Variants in SYCP1 observed in about 807,000 individuals in gnomAD.
The protein encoded by SYCP1 is synaptonemal complex protein 1.
Under a neutral mutation model 153.1 loss-of-function variants are expected in SYCP1, and 64 were observed. That is an observed-to-expected ratio of 0.42 (90% CI 0.34 to 0.51). SYCP1 has a LOEUF of 0.51. Ranked by LOEUF, SYCP1 falls within the 20% of genes least tolerant of loss-of-function variation. The pLI is 0.06. For synonymous variants in SYCP1, 384 were observed against 341.8 expected, an observed-to-expected ratio of 1.12 and a Z score of -1.36; for missense variants, 997 against 1,049.0, an observed-to-expected ratio of 0.95 and a Z score of 0.68.
At chr1:114,946,573 T>C (rs1256338964) in intron 26 of SYCP1, among the ~76,000 whole-genome samples, 192 bp downstream of exon 26, 1 of 152,200 alleles carries the variant, frequency 6.6e-6, no homozygotes, top group Non-Finnish European at 1.5e-5. Context: ...GAACAAACTA[T>C]TTTTTCAAGT....
intron 15 of SYCP1, among the ~76,000 whole-genome samples, chr1:114,893,730 ATTC>A: frequency 6.6e-6 from 1 of 152,066 alleles, no homozygotes; most frequent in Non-Finnish European, 1.5e-5. Context: ...TTACAATCTA[ATTC>A]TTCTGATTAT....
At chr1:114,969,522 C>T (rs1672343944) in intron 27 of SYCP1, among the ~76,000 whole-genome samples, 1 of 152,154 alleles carries the variant, frequency 6.6e-6, no homozygotes, top group Non-Finnish European at 1.5e-5. Context: ...CCCAGGTTGA[C>T]TTTAGACTGC....
intron 27 of SYCP1, among the ~76,000 whole-genome samples, chr1:114,954,313 T>C (rs1461174766): frequency 6.6e-6 from 1 of 151,986 alleles, no homozygotes; most frequent in Non-Finnish European, 1.5e-5. Flanking sequence ...TTAATTTTGT[T>C]TCCTATATGC....
At chr1:114,935,992 A>G (rs1240273001) in intron 23 of SYCP1, among the ~76,000 whole-genome samples, 1 of 152,202 alleles carries the variant, frequency 6.6e-6, no homozygotes, top group Non-Finnish European at 1.5e-5. Flanking sequence ...AGCTGGTACC[A>G]TTCCTTCTGA....
intron 8 of SYCP1, among the ~76,000 whole-genome samples, chr1:114,873,538 CAGGTTAGTT>C (rs1283084694): frequency 1.3e-5 from 2 of 152,190 alleles, no homozygotes; most frequent in Admixed American, 1.3e-4. Context: ...TCCCTTCCCC[CAGGTTAGTT>C]AGGCTCTGAC....
At chr1:114,882,698 T>G (rs996158105) in intron 12 of SYCP1, among the ~76,000 whole-genome samples, 1 of 152,184 alleles carries the variant, frequency 6.6e-6, no homozygotes, top group Non-Finnish European at 1.5e-5. Flanking sequence ...AAAGATTACT[T>G]GTAGGAATAA....
chr1:114,871,404 G>C (rs1665113754), intron 8 of SYCP1, among the ~76,000 whole-genome samples: 5 of 152,058 alleles, frequency 3.3e-5, no homozygotes, highest in Admixed American at 3.3e-4. Flanking sequence ...TTGACCTCAA[G>C]TGATTCACCC....
At chr1:114,856,145 C>G (rs770215164) in intron 2 of SYCP1, among the ~76,000 whole-genome samples, 4 of 152,140 alleles carry the variant, frequency 2.6e-5, no homozygotes, top group African/African-American at 7.2e-5. Flanking sequence ...TGCAATGATG[C>G]AATGAATATT....
chr1:114,890,405 A>G (rs923295433), intron 15 of SYCP1, among the ~76,000 whole-genome samples: 2 of 151,686 alleles, frequency 1.3e-5, no homozygotes, highest in African/African-American at 4.8e-5. Context: ...ATAACTGATT[A>G]TACATTTATG....
At position 114,878,501 on chromosome 1, in the gene SYCP1, C is replaced by T. The variant is rs376387704; in HGVS notation, c.910+299C>T. 9.2e-5 allele frequency among the ~76,000 whole-genome samples: 14 copies of T among 152,048 alleles called. No individual in the cohort carries two copies. In the East Asian group the frequency reaches 9.7e-4, roughly 11 times the overall value. On this transcript the variant is annotated intron_variant, in intron 12 of 31. Coordinates refer to ENST00000369522, the MANE Select transcript of SYCP1 (RefSeq NM_003176.4). ...ACTTGGAACTGTTGCATTCCAAGTGCCGAGAACAATGCCTGGCACATATAA... is the reference window on the plus strand; with the variant it reads ...ACTTGGAACTGTTGCATTCCAAGTGTCGAGAACAATGCCTGGCACATATAA...
At chr1:114,911,867 CTGGTTGTTT>C (rs1363242775) in intron 18 of SYCP1, among the ~76,000 whole-genome samples, 2 of 151,854 alleles carry the variant, frequency 1.3e-5, no homozygotes, top group Non-Finnish European at 2.9e-5. Context: ...TCAGTTCTAA[CTGGTTGTTT>C]TGGTTGTTTT....
chr1:114,862,934 T>C (rs189014251), intron 8 of SYCP1: 1 of 152,314 alleles, frequency 6.6e-6, no homozygotes, highest in East Asian at 1.9e-4. Flanking sequence ...CATGAAATCT[T>C]CTAGATGCTG....
At chr1:114,855,355 A>G in intron 1 of SYCP1, 86 bp from the exon 2 acceptor site, 2 of 670,212 alleles carry the variant, frequency 3.0e-6, no homozygotes, top group Non-Finnish European at 4.8e-6. Flanking sequence ...TTAGTTTGTA[A>G]ACATCACTTT....
chr1:114,989,898 A>G (rs1417518096), intron 30 of SYCP1, among the ~76,000 whole-genome samples: 2 of 152,008 alleles, frequency 1.3e-5, no homozygotes, highest in African/African-American at 4.8e-5. Context: ...ACAGTTCTAA[A>G]ATAATTGTTG....
intron 3 of SYCP1, 96 bp from the exon 4 acceptor site, chr1:114,857,136 C>CAAGA: frequency 4.1e-6 from 1 of 242,710 alleles, no homozygotes; most frequent in Non-Finnish European, 5.9e-6. Flanking sequence ...CTCTCTCTCT[C>CAAGA]AAAAAAAAAA....
chr1:114,971,845 A>G (rs150001539), intron 27 of SYCP1, among the ~76,000 whole-genome samples: 56 of 152,192 alleles, frequency 3.7e-4, no homozygotes, highest in African/African-American at 1.0e-3. Flanking sequence ...TTTTGCATCA[A>G]TGTTCATCCG....
chr1:114,909,508 AC>A (rs1668040842), intron 16 of SYCP1, among the ~76,000 whole-genome samples: 1 of 139,250 alleles, frequency 7.2e-6, no homozygotes, highest in South Asian at 2.3e-4. Context: ...ACACACACAC[AC>A]ACACACACAC....
intron 28 of SYCP1, among the ~76,000 whole-genome samples, chr1:114,980,828 A>G (rs1673103655): frequency 6.6e-6 from 1 of 151,896 alleles, no homozygotes; most frequent in Non-Finnish European, 1.5e-5. Context: ...GATTTATTAT[A>G]TAGGTAAACT....
At chr1:114,891,855 G>T (rs1007698921) in intron 15 of SYCP1, among the ~76,000 whole-genome samples, 1 of 152,136 alleles carries the variant, frequency 6.6e-6, no homozygotes, top group Admixed American at 6.5e-5. Flanking sequence ...CATGGTATTT[G>T]TTCTCATGAG....
Sources: allele counts gnomAD v4.1 joint callset (sites outside exome capture counted in the v4.1 genomes callset), GRCh38; gene constraint gnomAD v4.1.1; transcripts MANE v1.5; gene names NCBI Gene and HGNC (gene_info 2026-07-23, HGNC 2026-07-21).